Variants in CSGALNACT1 observed in about 807,000 individuals in gnomAD.
CSGALNACT1 encodes the protein beta4GalNAcT-1.
CSGALNACT1 carries 52 observed loss-of-function variants against 51.0 expected under a neutral mutation model. That is an observed-to-expected ratio of 1.02 (90% CI 0.82 to 1.29). The LOEUF is 1.29. Ranked by LOEUF, CSGALNACT1 falls within the 50% of genes most tolerant of loss-of-function variation. CSGALNACT1 has a pLI of 0.00. For missense variants in CSGALNACT1, 935 were observed against 679.2 expected (o/e 1.38, Z -4.19); for synonymous variants, 341 against 254.4 (o/e 1.34, Z -3.24).
intron 1 of CSGALNACT1, among the ~76,000 whole-genome samples, chr8:19,750,872 CT>C (rs1446854841): frequency 6.6e-6 from 1 of 152,128 alleles, no homozygotes; most frequent in African/African-American, 2.4e-5. Context: ...CTTATTCATA[CT>C]TTCTGCTTGT....
At chr8:19,669,871 T>C (rs2059656301) in intron 1 of CSGALNACT1, among the ~76,000 whole-genome samples, 2 of 152,170 alleles carry the variant, frequency 1.3e-5, no homozygotes, top group South Asian at 4.1e-4. Context: ...CTCCAGATAC[T>C]ATTCAAACTT....
intron 2 of CSGALNACT1, among the ~76,000 whole-genome samples, chr8:19,596,594 A>G (rs1014011123): frequency 2.1e-5 from 3 of 143,150 alleles, no homozygotes; most frequent in African/African-American, 8.1e-5. Flanking sequence ...AAATTGTAAG[A>G]AAAAAAAAAA....
intron 1 of CSGALNACT1, among the ~76,000 whole-genome samples, chr8:19,629,629 C>T (rs987795600): frequency 2.0e-5 from 3 of 152,198 alleles, no homozygotes; most frequent in Non-Finnish European, 4.4e-5. Flanking sequence ...CACCAGCCCC[C>T]TACTCCAGCC....
chr8:19,532,857 C>G (rs1431647887), intron 3 of CSGALNACT1, among the ~76,000 whole-genome samples: 1 of 152,222 alleles, frequency 6.6e-6, no homozygotes. Context: ...CCCCACTTCT[C>G]TGTACTACAG....
intron 4 of CSGALNACT1, among the ~76,000 whole-genome samples, chr8:19,496,210 G>A (rs7827143): frequency 1.3e-5 from 2 of 152,114 alleles, no homozygotes; most frequent in Admixed American, 1.3e-4. Flanking sequence ...CAAAGAATAT[G>A]TATCTGGTAA....
At chr8:19,447,898 T>C (rs544610577) in intron 5 of CSGALNACT1, among the ~76,000 whole-genome samples, 71 of 152,300 alleles carry the variant, frequency 4.7e-4, no homozygotes, top group African/African-American at 1.7e-3. Flanking sequence ...ACTATGAGGA[T>C]ACTGGGAGCT....
chr8:19,705,047 C>A (rs935089498), intron 1 of CSGALNACT1, among the ~76,000 whole-genome samples: 10 of 152,152 alleles, frequency 6.6e-5, no homozygotes, highest in African/African-American at 2.4e-4. Context: ...GTATTGCCCA[C>A]TTAAAATGTG....
intron 1 of CSGALNACT1, among the ~76,000 whole-genome samples, chr8:19,718,098 A>C (rs2062915916): frequency 6.6e-6 from 1 of 152,128 alleles, no homozygotes; most frequent in African/African-American, 2.4e-5. Flanking sequence ...AAAGCATAAC[A>C]GGCCTTCTTT....
chr8:19,633,231 A>C (rs918225387), intron 1 of CSGALNACT1, among the ~76,000 whole-genome samples: 1 of 152,080 alleles, frequency 6.6e-6, no homozygotes, highest in South Asian at 2.1e-4. Flanking sequence ...TTTATCATTG[A>C]GTCTCGAGGC....
intron 3 of CSGALNACT1, among the ~76,000 whole-genome samples, chr8:19,555,220 C>T: frequency 6.6e-6 from 1 of 151,774 alleles, no homozygotes; most frequent in East Asian, 1.9e-4. Flanking sequence ...GCCTGGGTGA[C>T]AGAGCAAGAC....
intron 1 of CSGALNACT1, among the ~76,000 whole-genome samples, chr8:19,653,128 T>C (rs7843357): frequency 0.89 from 135,080 of 152,170 alleles, 60,094 homozygotes; most frequent in East Asian, 1. Context: ...AATCACTGTC[T>C]CTCTTGATGG....
At chr8:19,421,936 G>A (rs10481428) in intron 6 of CSGALNACT1, among the ~76,000 whole-genome samples, 59,440 of 151,822 alleles carry the variant, frequency 0.39, 12,052 homozygotes, top group African/African-American at 0.48. Context: ...CTGGATCCAG[G>A]ACTAGAACTG....
chr8:19,730,064 C>T (rs1378197841), intron 1 of CSGALNACT1, among the ~76,000 whole-genome samples: 1 of 152,170 alleles, frequency 6.6e-6, no homozygotes, highest in East Asian at 1.9e-4. Flanking sequence ...GAGACCTTTA[C>T]AATCTTACTG....
intron 5 of CSGALNACT1, among the ~76,000 whole-genome samples, chr8:19,443,065 C>T (rs1586126312): frequency 6.6e-6 from 1 of 152,176 alleles, no homozygotes; most frequent in African/African-American, 2.4e-5. Flanking sequence ...ACAAAACCAC[C>T]ATTCGGCTGC....
intron 4 of CSGALNACT1, among the ~76,000 whole-genome samples, chr8:19,502,310 G>A (rs893563119): frequency 1.3e-5 from 2 of 152,184 alleles, no homozygotes; most frequent in South Asian, 2.1e-4. Flanking sequence ...TGGGAAGGGC[G>A]ACAGAGAACA....
intron 4 of CSGALNACT1, among the ~76,000 whole-genome samples, chr8:19,502,419 C>T (rs529444038): frequency 6.6e-6 from 1 of 152,330 alleles, no homozygotes; most frequent in African/African-American, 2.4e-5. Context: ...CGTGATCATG[C>T]CACTTCTCTC....
At chr8:19,676,484 T>A (rs1486550443) in intron 1 of CSGALNACT1, among the ~76,000 whole-genome samples, 1 of 152,096 alleles carries the variant, frequency 6.6e-6, no homozygotes, top group East Asian at 1.9e-4. Flanking sequence ...TCAAGAAAAG[T>A]CAGTACTTGA....
At chr8:19,666,947 GAA>G (rs2059320151) in intron 1 of CSGALNACT1, among the ~76,000 whole-genome samples, 2 of 15,090 alleles carry the variant, frequency 1.3e-4, no homozygotes, top group Non-Finnish European at 2.3e-4. Flanking sequence ...GAGAGAAAAA[GAA>G]AGAAAGAAAG....
At chr8:19,427,011 T>G (rs912388551) in intron 6 of CSGALNACT1, among the ~76,000 whole-genome samples, 16 of 152,324 alleles carry the variant, frequency 1.1e-4, no homozygotes, top group Middle Eastern at 3.4e-3. Context: ...TGAAATCACT[T>G]ATGAGCTCTA....
Sources: allele counts gnomAD v4.1 joint callset (sites outside exome capture counted in the v4.1 genomes callset), GRCh38; gene constraint gnomAD v4.1.1; transcripts MANE v1.5; gene names NCBI Gene and HGNC (gene_info 2026-07-23, HGNC 2026-07-21).